Variants in ATRNL1 observed in about 807,000 individuals in gnomAD.
ATRNL1 encodes attractin-like protein 1.
ATRNL1 carries 95 observed loss-of-function variants against 182.7 expected under a neutral mutation model. The observed-to-expected ratio is 0.52, with a 90% CI of 0.44 to 0.62. The LOEUF is 0.62. Ranked by LOEUF, ATRNL1 falls within the 20% of genes least tolerant of loss-of-function variation. The probability of loss-of-function intolerance (pLI) is 0.00; values close to 1 mark genes in which losing one functional copy is unlikely to be tolerated. For synonymous variants in ATRNL1, 576 were observed against 568.3 expected (o/e 1.01, Z -0.19); for missense variants, 1,471 against 1,679.5 (o/e 0.88, Z 2.17).
At chr10:115,252,135 TC>T (rs1850905885) in intron 10 of ATRNL1, among the ~76,000 whole-genome samples, 1 of 152,140 alleles carries the variant, frequency 6.6e-6, no homozygotes, top group Admixed American at 6.5e-5. Flanking sequence ...CAAGCAATTC[TC>T]CTGCCTCAGC....
At chr10:115,160,528 CTT>C (rs1405014355) in intron 6 of ATRNL1, among the ~76,000 whole-genome samples, 33 of 151,384 alleles carry the variant, frequency 2.2e-4, no homozygotes, top group African/African-American at 6.3e-4. Flanking sequence ...ATTCATGCCA[CTT>C]TTTTTTTTTA....
intron 13 of ATRNL1, among the ~76,000 whole-genome samples, chr10:115,274,376 CT>C (rs1251551671): frequency 6.6e-6 from 1 of 152,128 alleles, no homozygotes; most frequent in Non-Finnish European, 1.5e-5. Flanking sequence ...CATTCTCCCT[CT>C]TTTTTGTTTT....
chr10:115,208,801 T>C (rs1848904703), intron 8 of ATRNL1, among the ~76,000 whole-genome samples: 1 of 152,022 alleles, frequency 6.6e-6, no homozygotes, highest in Admixed American at 6.6e-5. Context: ...GATCTCTGTG[T>C]TTTCTGTGTG....
At chr10:115,553,373 T>C (rs1278505950) in intron 26 of ATRNL1, among the ~76,000 whole-genome samples, 1 of 151,448 alleles carries the variant, frequency 6.6e-6, no homozygotes, top group African/African-American at 2.4e-5. Context: ...CTACATTTCA[T>C]GTGATAGCAA....
intron 10 of ATRNL1, among the ~76,000 whole-genome samples, chr10:115,253,759 G>T (rs1307497994): frequency 6.6e-6 from 1 of 152,048 alleles, no homozygotes; most frequent in Non-Finnish European, 1.5e-5. Flanking sequence ...ATTTACATTA[G>T]GTATTTCTCC....
intron 21 of ATRNL1, among the ~76,000 whole-genome samples, chr10:115,460,794 G>T (rs1472088827): frequency 6.6e-6 from 1 of 152,074 alleles, no homozygotes; most frequent in Non-Finnish European, 1.5e-5. Flanking sequence ...AAAGACTGAT[G>T]TTCATTCAGT....
chr10:115,707,895 T>C (rs1946949034), intron 26 of ATRNL1, among the ~76,000 whole-genome samples: 1 of 151,698 alleles, frequency 6.6e-6, no homozygotes, highest in South Asian at 2.1e-4. Flanking sequence ...TTTGATGTTT[T>C]TGATATCTGT....
chr10:115,379,499 C>T (rs1384455994), intron 19 of ATRNL1, among the ~76,000 whole-genome samples: 1 of 151,986 alleles, frequency 6.6e-6, no homozygotes, highest in African/African-American at 2.4e-5. Flanking sequence ...TCCAGTTTTG[C>T]CATAACAGAT....
At chr10:115,737,109 C>T (rs1947974261) in intron 27 of ATRNL1, among the ~76,000 whole-genome samples, 3 of 151,936 alleles carry the variant, frequency 2.0e-5, no homozygotes, top group African/African-American at 7.3e-5. Context: ...TTACTGGCTG[C>T]ATTCTCAGCA....
chr10:115,436,375 A>AT (rs1189473021), intron 21 of ATRNL1, among the ~76,000 whole-genome samples: 4 of 152,120 alleles, frequency 2.6e-5, no homozygotes, highest in African/African-American at 9.7e-5. Context: ...ATTCTTATGT[A>AT]TTTAAAAAAT....
chr10:115,295,867 C>T (rs996314128), intron 15 of ATRNL1, among the ~76,000 whole-genome samples: 4 of 151,930 alleles, frequency 2.6e-5, no homozygotes, highest in Non-Finnish European at 5.9e-5. Flanking sequence ...CTTGGTGGAA[C>T]GAAAATGAAC....
intron 19 of ATRNL1, among the ~76,000 whole-genome samples, chr10:115,362,526 T>C (rs1184051755): frequency 1.3e-5 from 2 of 152,156 alleles, no homozygotes; most frequent in African/African-American, 4.8e-5. Context: ...ATTGTTTTTT[T>C]TTTTTTATTA....
chr10:115,680,996 A>G (rs547425275), intron 26 of ATRNL1, among the ~76,000 whole-genome samples: 2 of 152,136 alleles, frequency 1.3e-5, no homozygotes, highest in African/African-American at 2.4e-5. Context: ...TAGTGTATCC[A>G]TATTTGAAGT....
intron 26 of ATRNL1, among the ~76,000 whole-genome samples, chr10:115,576,650 A>G (rs1327476352): frequency 6.6e-6 from 1 of 151,996 alleles, no homozygotes; most frequent in East Asian, 1.9e-4. Context: ...TTACACGTAC[A>G]TGGTTTGCAA....
intron 18 of ATRNL1, among the ~76,000 whole-genome samples, chr10:115,326,008 T>C (rs782322248): frequency 5.3e-5 from 8 of 152,140 alleles, no homozygotes; most frequent in Non-Finnish European, 7.4e-5. Flanking sequence ...GGGCACTCAA[T>C]AAATTTTGTT....
chr10:115,300,679 G>T (rs1278614729), intron 16 of ATRNL1, among the ~76,000 whole-genome samples: 1 of 152,018 alleles, frequency 6.6e-6, no homozygotes, highest in Admixed American at 6.6e-5. Context: ...AGTAAGAAAG[G>T]AATATTGAAT....
At chr10:115,391,743 A>G (rs868974738) in intron 19 of ATRNL1, among the ~76,000 whole-genome samples, 1 of 152,082 alleles carries the variant, frequency 6.6e-6, no homozygotes, top group Middle Eastern at 3.4e-3. Context: ...TGAGAGATGA[A>G]CACTAGAAAG....
At chr10:115,263,085 C>T (rs1044679034) in intron 10 of ATRNL1, among the ~76,000 whole-genome samples, 2 of 151,724 alleles carry the variant, frequency 1.3e-5, no homozygotes, top group African/African-American at 2.4e-5. Flanking sequence ...TTTAAAAAGG[C>T]TAATTATTAA....
intron 27 of ATRNL1, among the ~76,000 whole-genome samples, chr10:115,809,062 A>G (rs1949988156): frequency 6.6e-6 from 1 of 152,040 alleles, no homozygotes; most frequent in South Asian, 2.1e-4. Context: ...GGTTTTTTTC[A>G]TAAGAATACC....
Sources: gnomAD v4.1 joint callset for allele counts (sites outside exome capture counted in the v4.1 genomes callset) on GRCh38, gnomAD v4.1.1 for gene constraint, MANE v1.5 for transcripts, NCBI Gene and HGNC (gene_info 2026-07-23, HGNC 2026-07-21) for gene names.